The following NALCN variants were observed in gnomAD, a reference collection of about 807,000 sequenced individuals.
The protein encoded by NALCN is sodium leak channel NALCN.
Under a neutral mutation model 225.3 loss-of-function variants are expected in NALCN, and 111 were observed. The ratio of observed to expected loss-of-function variants is 0.49; its 90% CI spans 0.42 to 0.58. NALCN has a LOEUF of 0.58. NALCN is among the 20% of genes least tolerant of loss of function. The pLI is 0.00. For synonymous variants in NALCN, 764 were observed against 769.0 expected, an observed-to-expected ratio of 0.99 and a Z score of 0.11; for missense variants, 1,378 against 2,202.4, an observed-to-expected ratio of 0.63 and a Z score of 7.49.
At chr13:101,295,091 T>C (rs1024917516) in intron 7 of NALCN, among the ~76,000 whole-genome samples, 3 of 152,134 alleles carry the variant, frequency 2.0e-5, no homozygotes, top group African/African-American at 4.8e-5. Flanking sequence ...CATCTGTTCA[T>C]AGGCTCTCCA....
At chr13:101,094,248 C>T (rs933601105) in intron 28 of NALCN, among the ~76,000 whole-genome samples, 5 of 152,164 alleles carry the variant, frequency 3.3e-5, no homozygotes, top group African/African-American at 1.2e-4. Context: ...CACCAGATAA[C>T]CCTGCTCTCC....
intron 9 of NALCN, among the ~76,000 whole-genome samples, chr13:101,288,226 T>G (rs1158913742): frequency 6.6e-6 from 1 of 152,204 alleles, no homozygotes; most frequent in African/African-American, 2.4e-5. Context: ...GCACTCATTA[T>G]TACACCATGC....
At chr13:101,306,423 T>A (rs2044156653) in intron 7 of NALCN, among the ~76,000 whole-genome samples, 1 of 152,304 alleles carries the variant, frequency 6.6e-6, no homozygotes, top group East Asian at 1.9e-4. Context: ...ATGGGTTGTT[T>A]TACCCTCTAT....
rs756321144 is a variant in NALCN, at chr13:101,111,234, A to T, written c.2193-8T>A. The T allele has an allele frequency of 5.7e-6, 9 of 1,578,992 alleles. No individual in the cohort carries two copies. The highest frequency in any genetic ancestry group is 6.9e-6 in the Non-Finnish European group (8 of 1,157,208). ...CGCTGTCGGGTGCAAGCTCTAGGAA[A>T]AAAAAAGGAGCCCAAGATAAATGCA... On this transcript the variant is annotated splice_region_variant and splice_polypyrimidine_tract_variant and intron_variant, in intron 18 of 43. Coordinates refer to ENST00000251127, the MANE Select transcript of NALCN (RefSeq NM_052867.4).
intron 15 of NALCN, among the ~76,000 whole-genome samples, chr13:101,150,345 T>C (rs1460035073): frequency 6.6e-6 from 1 of 152,218 alleles, no homozygotes; most frequent in Admixed American, 6.5e-5. Context: ...TACAAAAATG[T>C]ATACTATACC....
intron 27 of NALCN, among the ~76,000 whole-genome samples, chr13:101,096,971 T>C (rs2034542487): frequency 6.6e-6 from 1 of 152,160 alleles, no homozygotes; most frequent in African/African-American, 2.4e-5. Context: ...CCATGTCTCC[T>C]CTTGGCCTCC....
At chr13:101,077,150 A>G (rs1204749024) in intron 34 of NALCN, among the ~76,000 whole-genome samples, 1 of 152,186 alleles carries the variant, frequency 6.6e-6, no homozygotes, top group Non-Finnish European at 1.5e-5. Flanking sequence ...CACCATGATC[A>G]TAAGTTTTCT....
At chr13:101,295,049 A>G (rs1033343245) in intron 7 of NALCN, among the ~76,000 whole-genome samples, 3 of 152,156 alleles carry the variant, frequency 2.0e-5, no homozygotes, top group African/African-American at 4.8e-5. Flanking sequence ...TTATAGCCCT[A>G]TCTTATCCAT....
chr13:101,180,845 CT>C, intron 14 of NALCN: 1 of 328,260 alleles, frequency 3.0e-6, no homozygotes, highest in Non-Finnish European at 6.1e-6. Flanking sequence ...CGCTTTGTCT[CT>C]CTCTCTCTCT....
In NALCN at chr13:101,283,927, C is replaced by T; in HGVS notation, c.1134+6G>A. On this transcript the variant is annotated splice_donor_region_variant and intron_variant, in intron 10 of 43. Coordinates refer to ENST00000251127, the MANE Select transcript of NALCN (RefSeq NM_052867.4). Reference sequence around the variant, plus strand: ...GGCGATTTTTAAAAATGTCATTGTACTGCACCTGGAGGCAGGCTGGGGCGC... The same window carrying T: ...GGCGATTTTTAAAAATGTCATTGTATTGCACCTGGAGGCAGGCTGGGGCGC... The T allele has an allele frequency of 1.9e-6, 3 of 1,607,130 alleles. No individual in the cohort carries two copies. Among genetic ancestry groups the T allele is most frequent in the Non-Finnish European group, 2.5e-6 (3 of 1,178,004 alleles).
intron 3 of NALCN, among the ~76,000 whole-genome samples, chr13:101,390,582 C>T (rs2139470660): frequency 6.6e-6 from 1 of 152,108 alleles, no homozygotes; most frequent in South Asian, 2.1e-4. Flanking sequence ...AAAAAGATAA[C>T]ATACATTCTC....
At chr13:101,055,884 CAGTGAGGGTA>C (rs1423878629) in intron 43 of NALCN, among the ~76,000 whole-genome samples, 3 of 152,000 alleles carry the variant, frequency 2.0e-5, no homozygotes, top group Non-Finnish European at 1.5e-5. Context: ...AGGGGGGATG[CAGTGAGGGTA>C]TGGGAGGAAA....
chr13:101,282,550 C>T (rs1400914314), intron 10 of NALCN, among the ~76,000 whole-genome samples: 2 of 151,974 alleles, frequency 1.3e-5, no homozygotes, highest in Middle Eastern at 3.2e-3. Flanking sequence ...CAAAAGATGG[C>T]CAAGTTCTCA....
chr13:101,246,389 A>C (rs896401943), intron 11 of NALCN, among the ~76,000 whole-genome samples: 2 of 152,232 alleles, frequency 1.3e-5, no homozygotes, highest in Non-Finnish European at 2.9e-5. Flanking sequence ...ATTACAGGAC[A>C]AAGCTCACAA....
Position 101,087,505 on chromosome 13 carries a change from AAG to A in NALCN, c.3489+2156_3489+2157del, listed in dbSNP as rs1309043706. On this transcript the variant is annotated intron_variant, in intron 30 of 43. Transcript: ENST00000251127. ...AAAAAAAAAAAAAAACTTGCAGAGA[AAG>A]AAACTTTTCTAAAAGGCTCACATAA... Among the ~76,000 whole-genome samples the A allele has an allele frequency of 5.3e-5, 8 of 152,074 alleles. No individual in the cohort carries two copies. The East Asian group carries it at 1.2e-3, about 22-fold the overall frequency.
intron 11 of NALCN, among the ~76,000 whole-genome samples, chr13:101,248,679 A>G (rs1385389011): frequency 6.6e-6 from 1 of 152,184 alleles, no homozygotes; most frequent in Non-Finnish European, 1.5e-5. Context: ...TGAGAGGGTG[A>G]TATGTCCTCA....
At chr13:101,286,360 G>A (rs2043338667) in intron 9 of NALCN, among the ~76,000 whole-genome samples, 1 of 152,222 alleles carries the variant, frequency 6.6e-6, no homozygotes, top group African/African-American at 2.4e-5. Flanking sequence ...CTACATACAG[G>A]ACTATAGGAT....
chr13:101,283,813 C>G, intron 10 of NALCN, 120 bp downstream of exon 10: 1 of 812,294 alleles, frequency 1.2e-6, no homozygotes, highest in African/African-American at 1.8e-5. Flanking sequence ...AATACCATCT[C>G]TAACTTCAGG....
chr13:101,312,230 G>T (rs912129702), intron 7 of NALCN, among the ~76,000 whole-genome samples: 4 of 152,006 alleles, frequency 2.6e-5, no homozygotes, highest in South Asian at 4.1e-4. Context: ...TTTTTATTGC[G>T]TCTATTTGAT....
Sources: allele counts gnomAD v4.1 joint callset (sites outside exome capture counted in the v4.1 genomes callset), GRCh38; gene constraint gnomAD v4.1.1; transcripts MANE v1.5; gene names NCBI Gene and HGNC (gene_info 2026-07-23, HGNC 2026-07-21).